Variants in BFAR observed in about 807,000 individuals in gnomAD.
BFAR encodes RING finger protein 47.
BFAR carries 52 observed loss-of-function variants against 54.4 expected under a neutral mutation model. That is an observed-to-expected ratio of 0.96 (90% CI 0.77 to 1.21). BFAR has a LOEUF of 1.21. Ranked by LOEUF, BFAR falls within the 50% of genes most tolerant of loss-of-function variation. BFAR has a pLI of 0.00. For missense variants in BFAR, 571 were observed against 534.0 expected, an observed-to-expected ratio of 1.07 and a Z score of -0.68; for synonymous variants, 215 against 204.3, an observed-to-expected ratio of 1.05 and a Z score of -0.45.
intron 2 of BFAR, among the ~76,000 whole-genome samples, chr16:14,648,120 C>T (rs899043963): frequency 3.9e-5 from 6 of 151,950 alleles, no homozygotes; most frequent in South Asian, 2.1e-4. Flanking sequence ...TGGTGTGCAC[C>T]GGTGAGCCAA....
chr16:14,652,857 CCT>C (rs1438405461), intron 4 of BFAR, among the ~76,000 whole-genome samples: 1 of 152,056 alleles, frequency 6.6e-6, no homozygotes, highest in African/African-American at 2.4e-5. Flanking sequence ...ATAAGAGCAG[CCT>C]CTCTCCCTGA....
chr16:14,650,272 A>G lies in BFAR; in HGVS notation c.638+299A>G, dbSNP rs947180568. The G allele has an allele frequency of 2.0e-4, 47 of 236,536 alleles. 1 individual carries two copies. The highest frequency in any genetic ancestry group is 9.5e-4 in the South Asian group (6 of 6,320). 14.7% of individuals were successfully genotyped at this position (236,536 alleles called of 1,614,324 possible). On this transcript the variant is annotated intron_variant, in intron 4 of 7. Transcript: ENST00000261658. ...TTGAACCCAAGAGGTGGAGGTTACA[A>G]TGAGCCAAGATCATGCCACTGCACT...
chr16:14,633,783 G>A (rs1959343556), intron 1 of BFAR, among the ~76,000 whole-genome samples: 1 of 152,178 alleles, frequency 6.6e-6, no homozygotes, highest in Non-Finnish European at 1.5e-5. Flanking sequence ...CTTCTGAGTA[G>A]CTGGGATTAC....
At chr16:14,658,908 AT>A (rs768624095) in intron 5 of BFAR, among the ~76,000 whole-genome samples, 5,104 of 144,264 alleles carry the variant, frequency 0.035, 97 homozygotes, top group Middle Eastern at 0.062. Flanking sequence ...AGTAATTATG[AT>A]TTTTTTTTTT....
intron 1 of BFAR, among the ~76,000 whole-genome samples, chr16:14,642,643 C>T (rs1959663977): frequency 6.6e-6 from 1 of 152,082 alleles, no homozygotes; most frequent in African/African-American, 2.4e-5. Flanking sequence ...TATATTGAGC[C>T]ATGGCAGATT....
At chr16:14,656,593 G>GT (rs1239860453) in intron 5 of BFAR, among the ~76,000 whole-genome samples, 3 of 152,028 alleles carry the variant, frequency 2.0e-5, no homozygotes, top group African/African-American at 7.3e-5. Context: ...CTCCTTGCCT[G>GT]TTTCCTCCTG....
intron 6 of BFAR, among the ~76,000 whole-genome samples, chr16:14,663,835 T>C (rs1960360284): frequency 1.3e-5 from 2 of 152,156 alleles, no homozygotes; most frequent in Admixed American, 1.3e-4. Context: ...GAATAACTGG[T>C]TAATTTAAAT....
At chr16:14,658,417 T>C (rs978159380) in intron 5 of BFAR, among the ~76,000 whole-genome samples, 1 of 152,158 alleles carries the variant, frequency 6.6e-6, no homozygotes, top group Admixed American at 6.6e-5. Flanking sequence ...GGAGCTTCTG[T>C]CTTGAACATG....
rs1364353066 is a variant in BFAR at position 14,634,377 on chromosome 16, G to C, written c.-74+1359G>C. ...TTGATGGAGACATTGTATTTCTCCAGGGCAGTTCTTTTTGTTTGCTTTTTG... is the reference window on the plus strand; with the variant it reads ...TTGATGGAGACATTGTATTTCTCCACGGCAGTTCTTTTTGTTTGCTTTTTG... On this transcript the variant is annotated intron_variant, in intron 1 of 7. Transcript: ENST00000261658. Among the ~76,000 whole-genome samples the C allele has an allele frequency of 2.0e-5, 3 of 152,168 alleles. No homozygotes were observed. In the East Asian group the frequency reaches 5.8e-4, roughly 29 times the overall value.
intron 4 of BFAR, among the ~76,000 whole-genome samples, chr16:14,652,783 A>G (rs1960010228): frequency 2.0e-5 from 3 of 152,250 alleles, no homozygotes; most frequent in Middle Eastern, 3.4e-3. Flanking sequence ...GTATGTATAC[A>G]TGTATATATA....
rs551890215 is a variant in BFAR at position 14,662,169 on chromosome 16, C to T, written c.957+104C>T. On this transcript the variant is annotated intron_variant, in intron 6 of 7. Coordinates refer to ENST00000261658, the MANE Select transcript of BFAR (RefSeq NM_016561.3). ...ATGTTTCTTCAGTTTGACCCATGAA[C>T]TCCTTCAGAATGTCTGGTAGGTCAT... 21 of 1,332,684 alleles carry T rather than the reference C, an allele frequency of 1.6e-5. No homozygotes were observed. The East Asian group carries it at 4.8e-4, about 31-fold the overall frequency. The allele number at this position is 1,332,684 out of a possible 1,614,324, so 82.6% of individuals were successfully genotyped here.
At chr16:14,639,687 C>A (rs1596965490) in intron 1 of BFAR, among the ~76,000 whole-genome samples, 1 of 152,114 alleles carries the variant, frequency 6.6e-6, no homozygotes, top group African/African-American at 2.4e-5. Context: ...CTTTCCTTTT[C>A]TTTTAGGGAT....
Position 14,644,444 on chromosome 16 carries a change from C to G in BFAR, c.98C>G (p.Ser33Cys). Residue 33 changes from serine (S) to cysteine (C), a missense_variant, in exon 2 of 8, where the codon TCT (serine) becomes TGT (cysteine). Physicochemically the swap from Ser to Cys is moderately radical, Grantham distance 112 (BLOSUM62 -1). Transcript: ENST00000261658. ...TGPQISVSEF[S>C]CHCCYDILVN... ...CCTCAGATTTCTGTTAGTGAATTTT[C>G]TTGCCACTGCTGCTACGACATCCTG... The G allele has an allele frequency of 6.2e-7, 1 of 1,614,074 alleles. No individual in the cohort carries two copies. The highest frequency in any genetic ancestry group is 8.5e-7 in the Non-Finnish European group (1 of 1,180,006).
chr16:14,637,143 GTC>G (rs1959473702), intron 1 of BFAR, among the ~76,000 whole-genome samples: 1 of 115,188 alleles, frequency 8.7e-6, no homozygotes, highest in Non-Finnish European at 1.6e-5. Context: ...TATTGTAAAT[GTC>G]TCTGCATAGT....
intron 2 of BFAR, among the ~76,000 whole-genome samples, chr16:14,645,654 GC>G (rs1290044938): frequency 7.2e-5 from 11 of 152,198 alleles, no homozygotes; most frequent in Admixed American, 7.2e-4. Context: ...TTTACACTTT[GC>G]TCTTACCTGT....
intron 3 of BFAR, 104 bp downstream of exon 3, chr16:14,648,696 T>A: frequency 1.2e-6 from 1 of 811,216 alleles, no homozygotes; most frequent in Non-Finnish European, 2.0e-6. Flanking sequence ...TAATTGATGA[T>A]GTGACTCCAT....
intron 6 of BFAR, among the ~76,000 whole-genome samples, chr16:14,663,155 A>C (rs910020958): frequency 8.5e-5 from 13 of 152,130 alleles, no homozygotes; most frequent in Non-Finnish European, 1.6e-4. Flanking sequence ...TCTGCCTTTT[A>C]GTTTTTACTT....
chr16:14,637,339 A>G (rs1210020030), intron 1 of BFAR, among the ~76,000 whole-genome samples: 1 of 152,032 alleles, frequency 6.6e-6, no homozygotes, highest in Non-Finnish European at 1.5e-5. Context: ...TATTAGGAAG[A>G]CAGGCTTTAA....
chr16:14,664,627 G>A (rs1161421804), intron 6 of BFAR, among the ~76,000 whole-genome samples: 2 of 152,028 alleles, frequency 1.3e-5, no homozygotes, highest in African/African-American at 2.4e-5. Context: ...AGCCTCTAGA[G>A]TAGTTGGGAT....
Sources: allele counts gnomAD v4.1 joint callset (sites outside exome capture counted in the v4.1 genomes callset), GRCh38; gene constraint gnomAD v4.1.1; transcripts MANE v1.5; gene names NCBI Gene and HGNC (gene_info 2026-07-23, HGNC 2026-07-21).